The following SLC25A43 variants were observed in gnomAD, a reference collection of about 807,000 sequenced individuals.
SLC25A43 encodes solute carrier family 25, member 43.
In SLC25A43, 10 loss-of-function variants were observed where a neutral mutation model predicts 22.8. The ratio of observed to expected loss-of-function variants is 0.44; its 90% CI spans 0.27 to 0.74. SLC25A43 has a LOEUF of 0.74. Among genes scored for constraint, SLC25A43 ranks in the 30% least tolerant of loss-of-function variants. The probability of loss-of-function intolerance (pLI) is 0.17; values close to 1 mark genes in which losing one functional copy is unlikely to be tolerated. For missense variants in SLC25A43, 233 were observed against 279.1 expected (o/e 0.83, Z 1.18); for synonymous variants, 106 against 121.6 (o/e 0.87, Z 0.84).
At chrX:119,449,872 G>A (rs1243829244) in intron 3 of SLC25A43, among the ~76,000 whole-genome samples, 1 of 112,271 alleles carries the variant, frequency 8.9e-6, no homozygotes, top group Non-Finnish European at 1.9e-5. Context: ...GGATGGAAAG[G>A]AGGATTGCTT....
intron 1 of SLC25A43, among the ~76,000 whole-genome samples, chrX:119,402,812 G>A (rs181170823): frequency 9.0e-6 from 1 of 111,481 alleles, no homozygotes; most frequent in East Asian, 2.8e-4. Flanking sequence ...CATCATTGGC[G>A]GATTATCAGG....
intron 3 of SLC25A43, among the ~76,000 whole-genome samples, chrX:119,413,082 G>A (rs952370430): frequency 1.6e-4 from 17 of 109,386 alleles, no homozygotes; most frequent in African/African-American, 4.0e-4. Context: ...TCCTGCCACC[G>A]CATTCCAGCC....
intron 1 of SLC25A43, among the ~76,000 whole-genome samples, chrX:119,403,225 T>C (rs1425794157): frequency 1.8e-5 from 2 of 111,259 alleles, no homozygotes; most frequent in African/African-American, 6.5e-5. Flanking sequence ...TGGTATTTCT[T>C]TGGGCATTTC....
chrX:119,448,241 C>T (rs2052681776), intron 3 of SLC25A43, among the ~76,000 whole-genome samples: 1 of 111,396 alleles, frequency 9.0e-6, no homozygotes, highest in Non-Finnish European at 1.9e-5. Flanking sequence ...TCCAAGCTAC[C>T]GTCATCTCTT....
intron 1 of SLC25A43, 60 bp downstream of exon 1, chrX:119,399,738 G>T: frequency 1.0e-6 from 1 of 970,501 alleles, no homozygotes; most frequent in South Asian, 3.6e-5. Context: ...TGGGGGAGCC[G>T]CGGCCCGACG....
chrX:119,414,722 A>T (rs1431149507), intron 3 of SLC25A43, among the ~76,000 whole-genome samples: 1 of 108,998 alleles, frequency 9.2e-6, no homozygotes, highest in Non-Finnish European at 1.9e-5. Context: ...ATGTTATTTA[A>T]ATACTTTTTT....
At chrX:119,435,375 C>T (rs2052593446) in intron 3 of SLC25A43, among the ~76,000 whole-genome samples, 1 of 108,984 alleles carries the variant, frequency 9.2e-6, no homozygotes, top group Non-Finnish European at 1.9e-5. Context: ...TTTTTATTTT[C>T]CCCCAGAGAA....
At chrX:119,427,722 C>G in intron 3 of SLC25A43, among the ~76,000 whole-genome samples, 1 of 112,124 alleles carries the variant, frequency 8.9e-6, no homozygotes, top group East Asian at 2.8e-4. Flanking sequence ...GCTTAGTCAT[C>G]AGGTCCTGTC....
chrX:119,416,780 A>G (rs1460244415), intron 3 of SLC25A43, among the ~76,000 whole-genome samples: 1 of 112,251 alleles, frequency 8.9e-6, no homozygotes, highest in Non-Finnish European at 1.9e-5. Flanking sequence ...CCAATATTCA[A>G]CTTTGTTGAC....
At chrX:119,431,706 C>T (rs1327093525) in intron 3 of SLC25A43, among the ~76,000 whole-genome samples, 4 of 111,245 alleles carry the variant, frequency 3.6e-5, no homozygotes, top group African/African-American at 1.3e-4. Flanking sequence ...TTAATAAGTG[C>T]CTGGTATGTA....
rs1336480749 is a variant in SLC25A43, at chrX:119,399,518, C to G, written c.115C>G (p.Leu39Val). ...LTAPLELATV[L>V]AQVGVVRGHA... ...CGCGCCCCTGGAGCTCGCCACCGTG[C>G]TGGCCCAGGTTGGCGTCGTGCGAGG... Residue 39 changes from leucine (L) to valine (V), a missense_variant, in exon 1 of 5, where the codon CTG becomes GTG. By Grantham distance (32) the Leu-to-Val change is conservative. Transcript: ENST00000217909. 2.7e-6 allele frequency: 3 copies of G among 1,093,395 alleles called. No individual in the cohort carries two copies. The African/African-American group carries it at 5.7e-5, about 21-fold the overall frequency. The allele number at this position is 1,093,395 out of a possible 1,213,427, so 90.1% of individuals were successfully genotyped here.
Position 119,406,548 on chromosome X carries a change from A to G in SLC25A43, c.364A>G (p.Ile122Val), listed in dbSNP as rs2052298187. The change falls in exon 2 of 5, where the codon ATT becomes GTT. Residue 122 changes from isoleucine to valine, a missense_variant. By Grantham distance (29) the Ile-to-Val change is conservative. Coordinates refer to ENST00000217909, the MANE Select transcript of SLC25A43 (RefSeq NM_145305.3). ...AGSLAGMVST[I>V]VTYPTDLIKT... ...GAGTCTCGCAGGCATGGTTTCCACC[A>G]TTGTAACATATCCTACAGACCTCAT... 1.7e-6 allele frequency: 2 copies of G among 1,209,739 alleles called. No homozygotes were observed. Among genetic ancestry groups the G allele is most frequent in the Non-Finnish European group, 2.2e-6 (2 of 895,233 alleles).
chrX:119,402,347 G>A (rs931307221), intron 1 of SLC25A43, among the ~76,000 whole-genome samples: 5 of 111,776 alleles, frequency 4.5e-5, no homozygotes, highest in African/African-American at 1.6e-4. Context: ...TGCTTAGTTG[G>A]ATTGACGATC....
At chrX:119,417,172 C>T (rs1326518929) in intron 3 of SLC25A43, among the ~76,000 whole-genome samples, 1 of 110,255 alleles carries the variant, frequency 9.1e-6, no homozygotes, top group Non-Finnish European at 1.9e-5. Context: ...AATCCCAGCA[C>T]TTTGGGAAGC....
chrX:119,427,137 C>T (rs139037852), intron 3 of SLC25A43, among the ~76,000 whole-genome samples: 6 of 110,706 alleles, frequency 5.4e-5, no homozygotes, highest in South Asian at 3.8e-4. Flanking sequence ...AAAGTTGGCA[C>T]GGCAGGCAGC....
chrX:119,412,759 C>A (rs1382046566), intron 3 of SLC25A43, among the ~76,000 whole-genome samples: 1 of 111,556 alleles, frequency 9.0e-6, no homozygotes, highest in Non-Finnish European at 1.9e-5. Flanking sequence ...CTAATTATAT[C>A]TATTACTTTT....
At chrX:119,428,173 G>A (rs2052524047) in intron 3 of SLC25A43, among the ~76,000 whole-genome samples, 1 of 111,761 alleles carries the variant, frequency 8.9e-6, no homozygotes, top group Admixed American at 9.5e-5. Context: ...AATGTATCTC[G>A]GCTGGGCACG....
intron 3 of SLC25A43, among the ~76,000 whole-genome samples, chrX:119,428,230 G>A (rs1259284053): frequency 8.9e-6 from 1 of 111,976 alleles, no homozygotes; most frequent in Admixed American, 9.5e-5. Flanking sequence ...CGAGGCAGGT[G>A]GATCACTTGA....
In SLC25A43 at chrX:119,422,803, A is replaced by G. The variant is rs751006548; in HGVS notation, c.690+12441A>G. On this transcript the variant is annotated intron_variant, in intron 3 of 4. Coordinates refer to ENST00000217909, the MANE Select transcript of SLC25A43 (RefSeq NM_145305.3). The stretch of plus-strand genomic sequence containing the variant: ...TCTTCCATCTCCTACCCTAGCAATC[A>G]GGTTCTATGCATCTCAGTGCAAACA... 8 of 112,277 alleles carry G rather than the reference A, an allele frequency of 7.1e-5. No individual in the cohort carries two copies. In the South Asian group the frequency reaches 3.0e-3, roughly 42 times the overall value. 9.3% of individuals were successfully genotyped at this position (112,277 alleles called of 1,213,427 possible).
Sources: gnomAD v4.1 joint callset for allele counts (sites outside exome capture counted in the v4.1 genomes callset) on GRCh38, gnomAD v4.1.1 for gene constraint, MANE v1.5 for transcripts, NCBI Gene and HGNC (gene_info 2026-07-23, HGNC 2026-07-21) for gene names.